The following LIN7A variants were observed in gnomAD, a reference collection of about 807,000 sequenced individuals.
LIN7A encodes the protein protein lin-7 homolog A.
Under a neutral mutation model 29.8 loss-of-function variants are expected in LIN7A, and 25 were observed. That is an observed-to-expected ratio of 0.84 (90% CI 0.61 to 1.17). The LOEUF (loss-of-function observed/expected upper bound fraction) is 1.17, where lower values mean the gene tolerates loss of function less well. Among genes scored for constraint, LIN7A ranks in the 50% most tolerant of loss-of-function variants. The pLI is 0.00. For synonymous variants in LIN7A, 118 were observed against 107.5 expected (o/e 1.10, Z -0.60); for missense variants, 239 against 287.0 (o/e 0.83, Z 1.21).
intron 2 of LIN7A, among the ~76,000 whole-genome samples, chr12:80,877,570 G>A (rs1227007725): frequency 6.6e-6 from 1 of 152,008 alleles, no homozygotes; most frequent in Non-Finnish European, 1.5e-5. Flanking sequence ...TCAGTTTTCA[G>A]CCCTAAATCT....
In LIN7A at chr12:80,845,735, C is replaced by T. The variant is rs190432616; in HGVS notation, c.478G>A (p.Gly160Arg). 9.9e-6 allele frequency: 16 copies of T among 1,612,022 alleles called. No homozygotes were observed. In the Admixed American group the frequency reaches 1.3e-4, roughly 13 times the overall value. Reference sequence around the variant, plus strand: ...TGGTTATTTTATAAACATACCACTCCGTTCACTGATAGCAGCTGGTCTCCT... The same window carrying T: ...TGGTTATTTTATAAACATACCACTCTGTTCACTGATAGCAGCTGGTCTCCT... ...KRGDQLLSVN[G>R]VSVEGEHHEK... The change falls in exon 4 of 6, where the codon GGA becomes AGA. Residue 160 changes from glycine to arginine, a missense_variant. Coordinates refer to ENST00000552864, the MANE Select transcript of LIN7A (RefSeq NM_004664.4).
At chr12:80,869,149 A>ATATAT (rs1565908284) in intron 2 of LIN7A, among the ~76,000 whole-genome samples, 4 of 145,464 alleles carry the variant, frequency 2.7e-5, no homozygotes, top group African/African-American at 1.0e-4. Context: ...TAAATAAATA[A>ATATAT]ATATATATAT....
At chr12:80,927,776 G>A (rs1877682527) in intron 1 of LIN7A, among the ~76,000 whole-genome samples, 1 of 152,210 alleles carries the variant, frequency 6.6e-6, no homozygotes, top group Admixed American at 6.5e-5. Flanking sequence ...TGTTACATAG[G>A]TATACATGTG....
chr12:80,811,378 A>C (rs926648086), intron 5 of LIN7A, 87 bp downstream of exon 5: 5 of 446,214 alleles, frequency 1.1e-5, no homozygotes, highest in Non-Finnish European at 2.0e-5. Flanking sequence ...CATATCTAAA[A>C]TATATTTTAA....
intron 4 of LIN7A, among the ~76,000 whole-genome samples, chr12:80,839,460 A>G (rs969472472): frequency 6.0e-4 from 91 of 152,360 alleles, no homozygotes; most frequent in African/African-American, 2.2e-3. Flanking sequence ...ACAAATATAT[A>G]GAGAGCTTTG....
In LIN7A at chr12:80,845,916, AGCTGCAAAAGCT is replaced by A; in HGVS notation, c.285_296del (p.Ala96_Ala99del). On this transcript the variant is annotated inframe_deletion, in exon 4 of 6. Transcript: ENST00000552864. ...CTCGAGGGTGGGAGTGGCCTTCACT[AGCTGCAAAAGCT>A]GCAACTGTTGCCTGAAAAAAAAAAA... 6.3e-7 allele frequency: 1 copy of A among 1,593,940 alleles called. No homozygotes were observed. The highest frequency in any genetic ancestry group is 8.5e-7 in the Non-Finnish European group (1 of 1,173,332).
At chr12:80,851,995 T>C (rs1040906425) in intron 2 of LIN7A, among the ~76,000 whole-genome samples, 6 of 152,168 alleles carry the variant, frequency 3.9e-5, no homozygotes, top group Non-Finnish European at 8.8e-5. Flanking sequence ...AGAAAGTTCA[T>C]TTATTCATTT....
intron 2 of LIN7A, among the ~76,000 whole-genome samples, chr12:80,882,287 C>CTTTT (rs56000415): frequency 0.33 from 29,309 of 87,572 alleles, 11,422 homozygotes; most frequent in Non-Finnish European, 0.62. Flanking sequence ...TTCTTTCATT[C>CTTTT]TTTTTTTTTT....
chr12:80,816,273 G>A (rs146024178), intron 4 of LIN7A, among the ~76,000 whole-genome samples: 24 of 152,040 alleles, frequency 1.6e-4, no homozygotes, highest in African/African-American at 4.8e-4. Flanking sequence ...TAGCTGGGGC[G>A]AGTGGCATGT....
intron 4 of LIN7A, among the ~76,000 whole-genome samples, chr12:80,821,244 G>C (rs1033138227): frequency 6.6e-6 from 1 of 152,108 alleles, no homozygotes; most frequent in Non-Finnish European, 1.5e-5. Flanking sequence ...TTAACAGTGT[G>C]ACCTCTCCCC....
intron 1 of LIN7A, among the ~76,000 whole-genome samples, chr12:80,890,896 C>T (rs1875587095): frequency 6.6e-6 from 1 of 152,104 alleles, no homozygotes; most frequent in South Asian, 2.1e-4. Flanking sequence ...GACCCTATCT[C>T]TAAAACAACA....
chr12:80,839,412 T>A (rs1872712820), intron 4 of LIN7A, among the ~76,000 whole-genome samples: 1 of 152,160 alleles, frequency 6.6e-6, no homozygotes, highest in Non-Finnish European at 1.5e-5. Flanking sequence ...AATAATGAAT[T>A]CATTATGTAG....
At chr12:80,846,967 C>T (rs945475921) in intron 3 of LIN7A, among the ~76,000 whole-genome samples, 8 of 152,338 alleles carry the variant, frequency 5.3e-5, no homozygotes, top group South Asian at 2.1e-4. Flanking sequence ...TTATTCCCAA[C>T]GACTGTACCT....
chr12:80,926,688 GGGAGGC>G (rs1311580568), intron 1 of LIN7A, among the ~76,000 whole-genome samples: 6 of 152,080 alleles, frequency 3.9e-5, no homozygotes, highest in African/African-American at 1.2e-4. Context: ...CCAGCACTTT[GGGAGGC>G]CGAGGCAGGT....
At chr12:80,845,656 A>T (rs1873036896) in intron 4 of LIN7A, 74 bp downstream of exon 4, 1 of 1,176,968 alleles carries the variant, frequency 8.5e-7, no homozygotes, top group East Asian at 2.4e-5. Context: ...TTCAACGTTG[A>T]CTTCAGTAAT....
chr12:80,906,240 A>C (rs191904413), intron 1 of LIN7A, among the ~76,000 whole-genome samples: 153 of 152,298 alleles, frequency 1.0e-3, no homozygotes, highest in African/African-American at 3.4e-3. Flanking sequence ...CAGTCACTCC[A>C]GGTCTTTGAA....
intron 2 of LIN7A, among the ~76,000 whole-genome samples, chr12:80,873,310 A>G (rs1465649738): frequency 1.3e-5 from 2 of 152,116 alleles, no homozygotes; most frequent in Non-Finnish European, 2.9e-5. Flanking sequence ...CGGGTGGGTC[A>G]CTTGAGCCCA....
At chr12:80,936,508 C>A (rs939391550) in intron 1 of LIN7A, 1 of 152,222 alleles carries the variant, frequency 6.6e-6, no homozygotes, top group African/African-American at 2.4e-5. Context: ...CGGACTAAAT[C>A]ATTTTCTTCT....
intron 2 of LIN7A, among the ~76,000 whole-genome samples, chr12:80,855,648 G>T (rs1873557780): frequency 6.6e-6 from 1 of 152,090 alleles, no homozygotes; most frequent in Non-Finnish European, 1.5e-5. Flanking sequence ...GCCAAGGGAG[G>T]TATCTAAAAT....
Sources: gnomAD v4.1 joint callset for allele counts (sites outside exome capture counted in the v4.1 genomes callset) on GRCh38, gnomAD v4.1.1 for gene constraint, MANE v1.5 for transcripts, NCBI Gene and HGNC (gene_info 2026-07-23, HGNC 2026-07-21) for gene names.